The following NEK7 variants were observed in gnomAD, a reference collection of about 807,000 sequenced individuals.
NEK7 encodes the protein NIMA related kinase 7, also known as serine/threonine-protein kinase Nek7.
In NEK7, 18 loss-of-function variants were observed where a neutral mutation model predicts 44.6. That is an observed-to-expected ratio of 0.40 (90% confidence interval 0.28 to 0.60). The LOEUF (loss-of-function observed/expected upper bound fraction) is 0.60, where lower values mean the gene tolerates loss of function less well. Among genes scored for constraint, NEK7 ranks in the 20% least tolerant of loss-of-function variants. NEK7 has a pLI of 0.38. For synonymous variants in NEK7, 130 were observed against 121.1 expected (o/e 1.07, Z -0.48); for missense variants, 256 against 366.5 (o/e 0.70, Z 2.46).
chr1:198,208,799 T>C (rs1274491952), intron 1 of NEK7, among the ~76,000 whole-genome samples: 2 of 152,156 alleles, frequency 1.3e-5, no homozygotes. Flanking sequence ...TTGTAGTCCC[T>C]TTTTGAACTC....
chr1:198,237,909 A>T (rs779897917), intron 2 of NEK7, among the ~76,000 whole-genome samples: 4 of 151,950 alleles, frequency 2.6e-5, no homozygotes, highest in Non-Finnish European at 5.9e-5. Flanking sequence ...TCACCTTATC[A>T]CTTATTTTGT....
intron 1 of NEK7, among the ~76,000 whole-genome samples, chr1:198,222,501 C>A (rs934060226): frequency 2.6e-5 from 4 of 152,166 alleles, no homozygotes; most frequent in South Asian, 4.1e-4. Flanking sequence ...TATTTCCCCT[C>A]TATTACCTAC....
intron 5 of NEK7, among the ~76,000 whole-genome samples, chr1:198,267,860 C>T (rs1280976620): frequency 6.6e-6 from 1 of 151,942 alleles, no homozygotes; most frequent in Admixed American, 6.6e-5. Flanking sequence ...CCTTCACAGT[C>T]AGACACTTAC....
At chr1:198,257,362 A>G (rs571292319) in intron 3 of NEK7, among the ~76,000 whole-genome samples, 1 of 152,284 alleles carries the variant, frequency 6.6e-6, no homozygotes, top group South Asian at 2.1e-4. Context: ...ATTTCTATTA[A>G]TAAGTTACTT....
intron 9 of NEK7, among the ~76,000 whole-genome samples, chr1:198,317,888 T>TTTA (rs1206555436): frequency 2.1e-5 from 3 of 144,296 alleles, no homozygotes; most frequent in Non-Finnish European, 4.6e-5. Context: ...TTTTTTTTTT[T>TTTA]TTTTTTTTTT....
intron 1 of NEK7, among the ~76,000 whole-genome samples, chr1:198,203,521 A>G (rs1258507089): frequency 2.6e-5 from 4 of 152,222 alleles, no homozygotes; most frequent in Non-Finnish European, 5.9e-5. Context: ...GGAGAAGTAG[A>G]GATTTCTGTC....
intron 9 of NEK7, among the ~76,000 whole-genome samples, chr1:198,314,623 G>T (rs4915142): frequency 0.16 from 24,799 of 152,044 alleles, 3,019 homozygotes; most frequent in African/African-American, 0.32. Flanking sequence ...TGTGGATGTC[G>T]TTTCTGTTTG....
chr1:198,212,928 T>C (rs112180786), intron 1 of NEK7, among the ~76,000 whole-genome samples: 4 of 152,338 alleles, frequency 2.6e-5, no homozygotes, highest in African/African-American at 7.2e-5. Context: ...AACCAGGAGA[T>C]CTTGAGTCTC....
intron 5 of NEK7, among the ~76,000 whole-genome samples, chr1:198,272,653 G>A (rs982154777): frequency 2.0e-5 from 3 of 151,740 alleles, no homozygotes; most frequent in Admixed American, 2.0e-4. Context: ...CTAGTACTCT[G>A]ATGCAATAGA....
At chr1:198,177,029 A>G (rs765471347) in intron 1 of NEK7, among the ~76,000 whole-genome samples, 1 of 152,170 alleles carries the variant, frequency 6.6e-6, no homozygotes, top group African/African-American at 2.4e-5. Context: ...TTATTGATTT[A>G]AATAACCAAG....
At chr1:198,201,254 G>A (rs752394066) in intron 1 of NEK7, among the ~76,000 whole-genome samples, 28 of 152,170 alleles carry the variant, frequency 1.8e-4, no homozygotes, top group Admixed American at 3.3e-4. Flanking sequence ...GTGGTTGGCC[G>A]CAAAGTATTT....
At chr1:198,194,512 A>C (rs1056523265) in intron 1 of NEK7, among the ~76,000 whole-genome samples, 1 of 151,456 alleles carries the variant, frequency 6.6e-6, no homozygotes, top group Non-Finnish European at 1.5e-5. Flanking sequence ...GTTTCCCTCT[A>C]TGTGTCCATG....
chr1:198,261,136 C>A (rs1167434696), intron 3 of NEK7, among the ~76,000 whole-genome samples: 2 of 151,958 alleles, frequency 1.3e-5, no homozygotes, highest in African/African-American at 4.8e-5. Context: ...AGGTTCACCT[C>A]TAATGGTACC....
At chr1:198,275,361 A>G (rs993386072) in intron 5 of NEK7, among the ~76,000 whole-genome samples, 12 of 151,498 alleles carry the variant, frequency 7.9e-5, no homozygotes, top group African/African-American at 2.9e-4. Context: ...GCCCTGTCAC[A>G]TATTCTTTCA....
intron 8 of NEK7, among the ~76,000 whole-genome samples, chr1:198,296,450 G>A: frequency 6.6e-6 from 1 of 152,034 alleles, no homozygotes; most frequent in South Asian, 2.1e-4. Context: ...TTTTAAAGTT[G>A]TTCATCCTTT....
At chr1:198,208,966 A>G (rs1267813202) in intron 1 of NEK7, among the ~76,000 whole-genome samples, 1 of 151,884 alleles carries the variant, frequency 6.6e-6, no homozygotes, top group Non-Finnish European at 1.5e-5. Context: ...TTCAGCCCTC[A>G]GATACTCTGG....
chr1:198,207,603 G>C (rs1011514611), intron 1 of NEK7, among the ~76,000 whole-genome samples: 1 of 152,106 alleles, frequency 6.6e-6, no homozygotes, highest in Non-Finnish European at 1.5e-5. Flanking sequence ...TATTCAAAAG[G>C]CTTCATTTAT....
intron 9 of NEK7, among the ~76,000 whole-genome samples, chr1:198,308,840 T>C (rs1247905201): frequency 6.6e-6 from 1 of 152,052 alleles, no homozygotes; most frequent in Non-Finnish European, 1.5e-5. Flanking sequence ...TAGAATTCTC[T>C]CCCCCCCTTT....
chr1:198,167,793 T>C (rs1460432874), intron 1 of NEK7, among the ~76,000 whole-genome samples: 1 of 152,184 alleles, frequency 6.6e-6, no homozygotes, highest in Admixed American at 6.5e-5. Context: ...CTTGCATGTC[T>C]GGCCACGCTG....
Sources: gnomAD v4.1 joint callset for allele counts (sites outside exome capture counted in the v4.1 genomes callset) on GRCh38, gnomAD v4.1.1 for gene constraint, MANE v1.5 for transcripts, NCBI Gene and HGNC (gene_info 2026-07-23, HGNC 2026-07-21) for gene names.